The following ADAMTSL2 variants were observed in gnomAD, a reference collection of about 807,000 sequenced individuals.
ADAMTSL2 encodes ADAMTS-like protein 2.
In ADAMTSL2, 55 loss-of-function variants were observed where a neutral mutation model predicts 117.0. The ratio of observed to expected loss-of-function variants is 0.47; its 90% CI spans 0.38 to 0.59. The LOEUF is 0.59. Ranked by LOEUF, ADAMTSL2 falls within the 20% of genes least tolerant of loss-of-function variation. ADAMTSL2 has a pLI of 0.00. For synonymous variants in ADAMTSL2, 572 were observed against 566.4 expected, an observed-to-expected ratio of 1.01 and a Z score of -0.14; for missense variants, 1,182 against 1,354.5, an observed-to-expected ratio of 0.87 and a Z score of 2.00.
chr9:133,550,052 C>T (rs1588289211), intron 9 of ADAMTSL2, among the ~76,000 whole-genome samples: 2 of 152,350 alleles, frequency 1.3e-5, no homozygotes, highest in African/African-American at 4.8e-5. Flanking sequence ...GACCCAAGCT[C>T]CCCCATCCAA....
rs566773854 is a variant in ADAMTSL2 at position 133,537,201 on chromosome 9, G to A, written c.91-204G>A. 3.9e-5 allele frequency among the ~76,000 whole-genome samples: 6 copies of A among 152,310 alleles called. No homozygotes were observed. The South Asian group carries it at 6.2e-4, about 16-fold the overall frequency. On this transcript the variant is annotated intron_variant, in intron 2 of 18. Transcript: ENST00000651351. ...TGGACCTTAAGGTCAAGGAGGACCC[G>A]TGGCCCACGGTTCCTTGGGAGTTCC...
intron 11 of ADAMTSL2, among the ~76,000 whole-genome samples, chr9:133,559,971 T>TA (rs1478569615): frequency 1.3e-5 from 2 of 152,198 alleles, no homozygotes; most frequent in Admixed American, 6.5e-5. Context: ...TCCCCACAAA[T>TA]ACTGCCTGGC....
In ADAMTSL2 at chr9:133,570,393, CG is replaced by C; in HGVS notation, c.2481del (p.Lys828SerfsTer46). 1 of 1,573,730 alleles carries C rather than the reference CG, an allele frequency of 6.4e-7. No individual in the cohort carries two copies. Among genetic ancestry groups the C allele is most frequent in the Non-Finnish European group, 8.6e-7 (1 of 1,161,056 alleles). The part of the protein sequence containing the change: ...RLVLCMELAN[G>X]KPQTRSGPEC... ...TGGTGCTCTGCATGGAGCTGGCCAA[CG>C]GGAAGCCGCAGACGCGCAGTGGCCC... On this transcript the variant is annotated frameshift_variant, in exon 17 of 19. Transcript: ENST00000651351. LOFTEE classifies it high-confidence loss of function.
Position 133,536,467 on chromosome 9 carries a change from G to A in ADAMTSL2, c.-150-96G>A, listed in dbSNP as rs369288950. ...GCACAGGCTTAGCACGCACACCGCC[G>A]CTGGGTGTCTTGCCTGAAGCAGGCA... On this transcript the variant is annotated intron_variant, in intron 1 of 18. Transcript: ENST00000651351. The A allele has an allele frequency of 2.8e-5, 41 of 1,460,940 alleles. No homozygotes were observed. The African/African-American group carries it at 5.0e-4, about 18-fold the overall frequency. The allele number at this position is 1,460,940 out of a possible 1,614,324, so 90.5% of individuals were successfully genotyped here. A position where few individuals can be genotyped will look rare whatever the true frequency, so the allele number is the denominator to read the frequency against.
Position 133,555,000 on chromosome 9 carries a change from G to T in ADAMTSL2, c.1276+307G>T, listed in dbSNP as rs925200515. Among the ~76,000 whole-genome samples, 2 of 152,084 alleles carry T rather than the reference G, an allele frequency of 1.3e-5. No individual in the cohort carries two copies. The highest frequency in any genetic ancestry group is 1.3e-4 in the Admixed American group (2 of 15,278). On this transcript the variant is annotated intron_variant, in intron 10 of 18. Coordinates refer to ENST00000651351, the MANE Select transcript of ADAMTSL2 (RefSeq NM_014694.4). The surrounding 1 kb of genome is among the most constrained non-coding windows in gnomAD (Gnocchi z 5.2). ...TGGAGGAGCTGGGAGTCAAATGCAG[G>T]ATGGTCTGATCTCTCGCTCACCCCA...
chr9:133,547,625 G>A (rs1830383277), intron 9 of ADAMTSL2, among the ~76,000 whole-genome samples: 1 of 152,180 alleles, frequency 6.6e-6, no homozygotes, highest in Non-Finnish European at 1.5e-5. Flanking sequence ...TGCCCTTTGG[G>A]AAGTCCACAG....
Position 133,575,105 on chromosome 9 carries a change from C to T in ADAMTSL2, c.*241C>T. The T allele has an allele frequency of 1.8e-6, 1 of 562,970 alleles. No homozygotes were observed. Among genetic ancestry groups the T allele is most frequent in the Non-Finnish European group, 3.2e-6 (1 of 312,202 alleles). 34.9% of individuals were successfully genotyped at this position (562,970 alleles called of 1,614,324 possible). ...AGCCACCCCTGCCGTGGGAACCTGT[C>T]CGTGTTCCTGCGTGGATCCTGTGTT... is the stretch of plus-strand genomic sequence containing the variant. On this transcript the variant is annotated 3_prime_UTR_variant, in exon 19 of 19. Transcript: ENST00000651351.
chr9:133,564,175 AG>A lies in ADAMTSL2; in HGVS notation c.1748-2760del, dbSNP rs1434277110. 4.5e-4 allele frequency among the ~76,000 whole-genome samples: 19 copies of A among 42,638 alleles called. 2 individuals are homozygous for A. Among genetic ancestry groups the A allele is most frequent in the African/African-American group, 7.6e-4 (7 of 9,228 alleles). The allele number at this position is 42,638 out of a possible 152,430, so 28.0% of individuals were successfully genotyped here. On this transcript the variant is annotated intron_variant, in intron 12 of 18. Transcript: ENST00000651351. ...GAGAGACAGAGAGAAAGGGAGAGAG[AG>A]AGAGAGGGAGAGAGAGAGAGAGGGA...
intron 18 of ADAMTSL2, 100 bp from the exon 19 acceptor site, chr9:133,574,646 G>A: frequency 1.1e-6 from 1 of 951,500 alleles, no homozygotes; most frequent in Non-Finnish European, 1.7e-6. Flanking sequence ...GGGGTGGGAG[G>A]CCCACTGCCC....
chr9:133,549,236 C>A lies in ADAMTSL2; in HGVS notation c.939+2023C>A, dbSNP rs557913499. 1.5e-4 allele frequency among the ~76,000 whole-genome samples: 17 copies of A among 114,644 alleles called. 5 individuals carry two copies. In the East Asian group the frequency reaches 3.7e-3, roughly 25 times the overall value. 75.2% of individuals were successfully genotyped at this position (114,644 alleles called of 152,430 possible). The stretch of plus-strand genomic sequence containing the variant: ...AGCCGGGATGGTCTCGATCTCCTGA[C>A]CTCGTGATCCGCCCGCCTCGGCCTC... On this transcript the variant is annotated intron_variant, in intron 9 of 18. Coordinates refer to ENST00000651351, the MANE Select transcript of ADAMTSL2 (RefSeq NM_014694.4).
intron 12 of ADAMTSL2, among the ~76,000 whole-genome samples, chr9:133,565,854 C>T (rs1830959981): frequency 6.6e-6 from 1 of 151,662 alleles, no homozygotes; most frequent in Non-Finnish European, 1.5e-5. Flanking sequence ...CACACACACA[C>T]ACACACACAC....
intron 14 of ADAMTSL2, 26 bp from the exon 15 acceptor site, chr9:133,568,577 C>A: frequency 6.4e-7 from 1 of 1,556,120 alleles, no homozygotes. Flanking sequence ...TCACACCCCC[C>A]CTGCCCCCTC....
rs935866565 is a variant in ADAMTSL2, at chr9:133,555,566, G to A, written c.1285G>A (p.Val429Ile). ...PRGKGFRDRN[V>I]TGTPLTGDKD... is the part of the protein sequence containing the mutation. Reference sequence around the variant, plus strand: ...ACCTGTCTCCTCTCCAGACCGCAACGTCACGGGGACTCCTCTCACCGGGGA... The same window carrying A: ...ACCTGTCTCCTCTCCAGACCGCAACATCACGGGGACTCCTCTCACCGGGGA... The change falls in exon 11 of 19, where the codon GTC (valine) becomes ATC (isoleucine). Residue 429 changes from valine (V) to isoleucine (I), a missense_variant. Val to Ile is a conservative substitution (Grantham distance 29). This residue lies in a region of ADAMTSL2 where 345 missense variants were observed against 325.8 expected (regional missense o/e 1.06). Coordinates refer to ENST00000651351, the MANE Select transcript of ADAMTSL2 (RefSeq NM_014694.4). 418 of 1,613,040 alleles carry A rather than the reference G, an allele frequency of 2.6e-4. No homozygotes were observed. The highest frequency in any genetic ancestry group is 1.0e-3 in the Admixed American group (63 of 60,030).
chr9:133,574,672 T>TG lies in ADAMTSL2; in HGVS notation c.2738-69dup. 6.0e-6 allele frequency: 8 copies of TG among 1,327,914 alleles called. 1 individual carries two copies. In the Middle Eastern group the frequency reaches 1.4e-3, roughly 240 times the overall value. The allele number at this position is 1,327,914 out of a possible 1,614,324, so 82.3% of individuals were successfully genotyped here. A position where few individuals can be genotyped will look rare whatever the true frequency, so the allele number is the denominator to read the frequency against. On this transcript the variant is annotated intron_variant, in intron 18 of 18. Coordinates refer to ENST00000651351, the MANE Select transcript of ADAMTSL2 (RefSeq NM_014694.4). ...CCCACTGCCCCTGGAAAACGGCACG[T>TG]GGGGGTCCCTGGGGTTTTCGCCCCT...
At position 133,534,706 on chromosome 9, in the gene ADAMTSL2, T is replaced by C. The variant is rs1044592459; in HGVS notation, c.-362T>C. ...GCGGCCGCCGGCGCAGAGCCGCCAC[T>C]GGGCTGCGCCCCTCCCGGGAACCCC... On this transcript the variant is annotated 5_prime_UTR_variant, in exon 1 of 19. Coordinates refer to ENST00000651351, the MANE Select transcript of ADAMTSL2 (RefSeq NM_014694.4). 2.2e-6 allele frequency: 3 copies of C among 1,365,750 alleles called. No homozygotes were observed. The highest frequency in any genetic ancestry group is 3.1e-5 in the African/African-American group (2 of 65,374). 84.6% of individuals were successfully genotyped at this position (1,365,750 alleles called of 1,614,324 possible).
In ADAMTSL2 at chr9:133,573,902, C is replaced by T. The variant is rs996784766; in HGVS notation, c.2652C>T (p.Thr884=). The change falls in exon 18 of 19, where the codon ACC becomes ACT. Residue 884 remains threonine, a synonymous_variant. Coordinates refer to ENST00000651351, the MANE Select transcript of ADAMTSL2 (RefSeq NM_014694.4). ...RMRDVKCYQG[T]DIVRGCDPLV... is the part of the protein sequence containing the mutation. Reference sequence around the variant, plus strand: ...GAGACGTCAAGTGCTACCAGGGGACCGACATCGTCCGTGGTTGCGATCCGT... The same window carrying T: ...GAGACGTCAAGTGCTACCAGGGGACTGACATCGTCCGTGGTTGCGATCCGT... The T allele has an allele frequency of 1.1e-4, 171 of 1,614,104 alleles. 1 individual carries two copies. The highest frequency in any genetic ancestry group is 4.6e-4 in the South Asian group (42 of 91,080).
rs1032833594 is a variant in ADAMTSL2 at position 133,567,113 on chromosome 9, G to T, written c.1874+51G>T. 7 of 1,569,514 alleles carry T rather than the reference G, an allele frequency of 4.5e-6. No individual in the cohort carries two copies. In the African/African-American group the frequency reaches 6.7e-5, roughly 15 times the overall value. ...AGGGGGTCGGCAGGGGGCGTGAGGGGCTCTGCCCAAAGGAGCAGTCAGACT... is the reference window on the plus strand; with the variant it reads ...AGGGGGTCGGCAGGGGGCGTGAGGGTCTCTGCCCAAAGGAGCAGTCAGACT... On this transcript the variant is annotated intron_variant, in intron 13 of 18. Coordinates refer to ENST00000651351, the MANE Select transcript of ADAMTSL2 (RefSeq NM_014694.4).
At chr9:133,566,445 A>C (rs984442458) in intron 12 of ADAMTSL2, among the ~76,000 whole-genome samples, 18 of 152,164 alleles carry the variant, frequency 1.2e-4, no homozygotes, top group African/African-American at 4.1e-4. Context: ...CATCTCAAAA[A>C]AAGAAAGTTC....
At position 133,547,042 on chromosome 9, in the gene ADAMTSL2, T is replaced by C. The variant is rs1468789836; in HGVS notation, c.768T>C (p.Leu256=). ...ERKKSADVLA[L]ADEAGYYFFN... is the part of the protein sequence containing the mutation. The stretch of plus-strand genomic sequence containing the variant: ...CCGGCGGCTTTGCCCTTCCAGCTCT[T>C]GCAGACGAAGCTGGCTACTACTTCT... The change falls in exon 9 of 19, where the codon CTT becomes CTC. Residue 256 remains leucine, a synonymous_variant. Transcript: ENST00000651351. The C allele has an allele frequency of 1.2e-6, 2 of 1,613,636 alleles. No individual in the cohort carries two copies. The highest frequency in any genetic ancestry group is 2.2e-5 in the East Asian group (1 of 44,878).
Sources: allele counts gnomAD v4.1 joint callset (sites outside exome capture counted in the v4.1 genomes callset), GRCh38; gene constraint gnomAD v4.1.1; regional missense constraint gnomAD v4.1.1; non-coding constraint Gnocchi (gnomAD v3.1); transcripts MANE v1.5; gene names NCBI Gene and HGNC (gene_info 2026-07-23, HGNC 2026-07-21).